Variants in SDCCAG8 observed in about 807,000 individuals in gnomAD.
The protein encoded by SDCCAG8 is SHH signaling and ciliogenesis regulator SDCCAG8, also known as serologically defined colon cancer antigen 8.
A neutral mutation model predicts 101.8 loss-of-function variants in SDCCAG8; 74 were observed. The observed-to-expected ratio is 0.73, with a 90% CI of 0.60 to 0.88. SDCCAG8 has a LOEUF of 0.88. SDCCAG8 is among the 40% of genes least tolerant of loss of function. The probability of loss-of-function intolerance (pLI) is 0.00; values close to 1 mark genes in which losing one functional copy is unlikely to be tolerated. For missense variants in SDCCAG8, 787 were observed against 822.6 expected (o/e 0.96, Z 0.53); for synonymous variants, 281 against 292.9 (o/e 0.96, Z 0.41).
chr1:243,331,510 T>C (rs900638100), intron 10 of SDCCAG8, among the ~76,000 whole-genome samples: 2 of 152,210 alleles, frequency 1.3e-5, no homozygotes, highest in Non-Finnish European at 2.9e-5. Context: ...TAAAGATATG[T>C]AAAGAGAAAA....
At chr1:243,282,110 A>G (rs2069109184) in intron 4 of SDCCAG8, among the ~76,000 whole-genome samples, 1 of 152,074 alleles carries the variant, frequency 6.6e-6, no homozygotes, top group Non-Finnish European at 1.5e-5. Context: ...CAGCCTTCCT[A>G]GTAGCTAGGA....
chr1:243,489,682 A>C (rs1487308432), intron 17 of SDCCAG8, among the ~76,000 whole-genome samples: 1 of 152,068 alleles, frequency 6.6e-6, no homozygotes, highest in Non-Finnish European at 1.5e-5. Flanking sequence ...AATTCCCTTT[A>C]CCCTTGAACA....
chr1:243,371,659 AATC>A (rs1377543347), intron 12 of SDCCAG8, among the ~76,000 whole-genome samples: 6 of 152,230 alleles, frequency 3.9e-5, no homozygotes, highest in African/African-American at 1.2e-4. Context: ...TGAAGAGGAT[AATC>A]ATTTTTGGCT....
intron 14 of SDCCAG8, 99 bp from the exon 15 acceptor site, chr1:243,417,869 G>A (rs2080705610): frequency 1.2e-6 from 1 of 837,978 alleles, no homozygotes; most frequent in East Asian, 2.4e-5. Context: ...TATTGGAAAT[G>A]TGTAGGGGTC....
In SDCCAG8 at chr1:243,439,622, TCACA is replaced by T. The variant is rs60044857; in HGVS notation, c.1985+13105_1985+13108del. On this transcript the variant is annotated intron_variant, in intron 16 of 17. Coordinates refer to ENST00000366541, the MANE Select transcript of SDCCAG8 (RefSeq NM_006642.5). ...CCTGGGCAACAAGAGTGAGACTCCA[TCACA>T]CACACACACACACACACACACACAC... Among the ~76,000 whole-genome samples the T allele has an allele frequency of 6.7e-3, 805 of 120,178 alleles. 3 individuals carry two copies. The highest frequency in any genetic ancestry group is 0.012 in the Middle Eastern group (3 of 250). 78.8% of individuals were successfully genotyped at this position (120,178 alleles called of 152,430 possible).
At chr1:243,284,611 A>G (rs1246840492) in intron 4 of SDCCAG8, among the ~76,000 whole-genome samples, 7 of 152,152 alleles carry the variant, frequency 4.6e-5, no homozygotes, top group African/African-American at 1.4e-4. Context: ...CCCACACGGA[A>G]TGCAAGAGGG....
At chr1:243,440,908 T>A (rs1258421675) in intron 16 of SDCCAG8, among the ~76,000 whole-genome samples, 1 of 152,206 alleles carries the variant, frequency 6.6e-6, no homozygotes, top group Non-Finnish European at 1.5e-5. Context: ...AGTCAATGTT[T>A]GGTTTTGTGA....
At chr1:243,294,175 G>A in intron 6 of SDCCAG8, among the ~76,000 whole-genome samples, 1 of 151,968 alleles carries the variant, frequency 6.6e-6, no homozygotes, top group South Asian at 2.1e-4. Flanking sequence ...ATGTTTTCCT[G>A]TTTCCTTGTA....
intron 16 of SDCCAG8, among the ~76,000 whole-genome samples, chr1:243,480,376 GT>G (rs1663274024): frequency 1.3e-5 from 1 of 74,762 alleles, no homozygotes; most frequent in Non-Finnish European, 2.7e-5. Context: ...GGATGGATGG[GT>G]GGATGGATGG....
chr1:243,434,674 C>T (rs559079084), intron 16 of SDCCAG8, among the ~76,000 whole-genome samples: 2 of 152,208 alleles, frequency 1.3e-5, no homozygotes, highest in Admixed American at 6.5e-5. Flanking sequence ...TCAAACAGTC[C>T]CTTTGTAATG....
At chr1:243,397,376 G>C (rs1231006430) in intron 13 of SDCCAG8, among the ~76,000 whole-genome samples, 2 of 152,072 alleles carry the variant, frequency 1.3e-5, no homozygotes, top group Non-Finnish European at 2.9e-5. Context: ...AAGTTTCTAA[G>C]CTTTTTTAAA....
intron 4 of SDCCAG8, among the ~76,000 whole-genome samples, chr1:243,282,329 A>T (rs2069133287): frequency 1.3e-5 from 2 of 152,134 alleles, no homozygotes; most frequent in Non-Finnish European, 2.9e-5. Flanking sequence ...TAAATTGCTT[A>T]TAACAGAATT....
intron 12 of SDCCAG8, among the ~76,000 whole-genome samples, chr1:243,363,932 G>A (rs1482213158): frequency 6.6e-6 from 1 of 152,144 alleles, no homozygotes; most frequent in Non-Finnish European, 1.5e-5. Context: ...TTTTGGTGCT[G>A]CTTGCTAAAA....
At chr1:243,301,574 A>G (rs2071506289) in intron 6 of SDCCAG8, among the ~76,000 whole-genome samples, 1 of 152,194 alleles carries the variant, frequency 6.6e-6, no homozygotes, top group Admixed American at 6.5e-5. Flanking sequence ...AATTAATCCA[A>G]TATAAGGACC....
intron 8 of SDCCAG8, among the ~76,000 whole-genome samples, chr1:243,312,532 C>A (rs1292826461): frequency 6.6e-6 from 1 of 151,960 alleles, no homozygotes; most frequent in Non-Finnish European, 1.5e-5. Flanking sequence ...CATGGTGAAA[C>A]CCCATCTCTA....
chr1:243,342,340 T>A (rs1172535081), intron 11 of SDCCAG8, among the ~76,000 whole-genome samples: 1 of 152,206 alleles, frequency 6.6e-6, no homozygotes, highest in African/African-American at 2.4e-5. Flanking sequence ...TTAGACTAAA[T>A]CGCCTTGAAG....
intron 11 of SDCCAG8, among the ~76,000 whole-genome samples, chr1:243,343,158 T>C (rs2075485025): frequency 6.6e-6 from 1 of 152,236 alleles, no homozygotes; most frequent in South Asian, 2.1e-4. Flanking sequence ...CCTTAGTCTA[T>C]TCTAATACCT....
intron 6 of SDCCAG8, among the ~76,000 whole-genome samples, chr1:243,304,468 A>G (rs1040247474): frequency 6.6e-6 from 1 of 152,226 alleles, no homozygotes; most frequent in Admixed American, 6.5e-5. Flanking sequence ...TTTTAGGGAT[A>G]AGACCTGATA....
intron 12 of SDCCAG8, among the ~76,000 whole-genome samples, chr1:243,350,995 T>G (rs1225250041): frequency 3.9e-5 from 6 of 152,230 alleles, no homozygotes; most frequent in African/African-American, 1.4e-4. Flanking sequence ...AGTAAAATCC[T>G]GTTCCGTTCT....
Sources: allele counts gnomAD v4.1 joint callset (sites outside exome capture counted in the v4.1 genomes callset), GRCh38; gene constraint gnomAD v4.1.1; transcripts MANE v1.5; gene names NCBI Gene and HGNC (gene_info 2026-07-23, HGNC 2026-07-21).